Variants in PDS5A observed in about 807,000 individuals in gnomAD.
PDS5A encodes sister chromatid cohesion protein PDS5 homolog A.
In PDS5A, 42 loss-of-function variants were observed where a neutral mutation model predicts 167.1. The observed-to-expected ratio is 0.25, with a 90% CI of 0.20 to 0.33. The LOEUF (loss-of-function observed/expected upper bound fraction) is 0.33, where lower values mean the gene tolerates loss of function less well. Ranked by LOEUF, PDS5A falls within the 10% of genes least tolerant of loss-of-function variation. The pLI is 1.00. For synonymous variants in PDS5A, 553 were observed against 554.6 expected, an observed-to-expected ratio of 1.00 and a Z score of 0.04; for missense variants, 1,033 against 1,605.9, an observed-to-expected ratio of 0.64 and a Z score of 6.10.
intron 10 of PDS5A, among the ~76,000 whole-genome samples, chr4:39,909,132 T>C (rs1038150770): frequency 2.0e-5 from 3 of 148,214 alleles, no homozygotes; most frequent in African/African-American, 7.3e-5. Context: ...TTTTTATTTT[T>C]TGTTGTTGAA....
At chr4:39,952,840 T>C (rs1430995751) in intron 2 of PDS5A, among the ~76,000 whole-genome samples, 1 of 151,336 alleles carries the variant, frequency 6.6e-6, no homozygotes, top group Non-Finnish European at 1.5e-5. Flanking sequence ...ATGACTCTCC[T>C]GCCTCAGCCT....
At chr4:39,877,187 C>CA (rs780424582) in intron 18 of PDS5A, 34 bp from the exon 19 acceptor site, 2 of 1,370,842 alleles carry the variant, frequency 1.5e-6, no homozygotes, top group Non-Finnish European at 2.0e-6. Context: ...GAAGTACAGA[C>CA]AATGGTTTTA....
At chr4:39,919,986 C>T (rs554401430) in intron 7 of PDS5A, among the ~76,000 whole-genome samples, 3 of 147,134 alleles carry the variant, frequency 2.0e-5, no homozygotes, top group Admixed American at 6.7e-5. Context: ...AGAAGAATGA[C>T]CCAAAAGAAA....
chr4:39,957,908 C>A (rs1729112151), intron 2 of PDS5A, among the ~76,000 whole-genome samples: 1 of 151,994 alleles, frequency 6.6e-6, no homozygotes, highest in African/African-American at 2.4e-5. Context: ...GTAATCCCAG[C>A]ACTTTGGGAG....
intron 2 of PDS5A, among the ~76,000 whole-genome samples, chr4:39,929,553 A>G (rs1026895373): frequency 8.0e-6 from 1 of 125,448 alleles, no homozygotes; most frequent in African/African-American, 3.1e-5. Context: ...ATATATATAT[A>G]TATCCCATTA....
At chr4:39,966,714 C>T (rs1560525451) in intron 2 of PDS5A, among the ~76,000 whole-genome samples, 1 of 152,068 alleles carries the variant, frequency 6.6e-6, no homozygotes, top group Admixed American at 6.6e-5. Context: ...AAACAAATTT[C>T]AGGCCGGGCA....
chr4:39,949,861 G>C (rs1728181436), intron 2 of PDS5A, among the ~76,000 whole-genome samples: 2 of 127,732 alleles, frequency 1.6e-5, no homozygotes, highest in East Asian at 2.4e-4. Flanking sequence ...AAACCTGACT[G>C]TGGCAATCAC....
chr4:39,872,458 A>G (rs980145929), intron 21 of PDS5A, among the ~76,000 whole-genome samples: 14 of 152,072 alleles, frequency 9.2e-5, no homozygotes. Flanking sequence ...TGAGGTCAGG[A>G]GTTCAATATA....
chr4:39,829,950 CAAAAAAAAAAAAAAAAAAAA>C lies in PDS5A; in HGVS notation c.4011-4482_4011-4463del, dbSNP rs1158287221. 1.5e-4 allele frequency among the ~76,000 whole-genome samples: 10 copies of C among 67,304 alleles called. No individual in the cohort carries two copies. The East Asian group carries it at 3.5e-3, about 24-fold the overall frequency. The allele number at this position is 67,304 out of a possible 152,430, so 44.2% of individuals were successfully genotyped here. The stretch of plus-strand genomic sequence containing the variant: ...TGGGCGACAGACTGAGACTCCAACT[CAAAAAAAAAAAAAAAAAAAA>C]AAAAAAAAAAAAAAGAAATTTCCAA... On this transcript the variant is annotated intron_variant, in intron 32 of 32. Transcript: ENST00000303538.
chr4:39,911,642 C>CT (rs760188410), intron 9 of PDS5A, among the ~76,000 whole-genome samples: 1 of 151,840 alleles, frequency 6.6e-6, no homozygotes, highest in Non-Finnish European at 1.5e-5. Flanking sequence ...ACCATCCTGG[C>CT]TAACACGGTG....
At chr4:39,849,749 T>C (rs1342606810) in intron 26 of PDS5A, 97 bp from the exon 27 acceptor site, 1 of 711,214 alleles carries the variant, frequency 1.4e-6, no homozygotes, top group Non-Finnish European at 2.3e-6. Flanking sequence ...CTGAATAAAA[T>C]AAAATAAAAT....
At chr4:39,904,696 A>C (rs1053830742) in intron 11 of PDS5A, among the ~76,000 whole-genome samples, 1 of 152,126 alleles carries the variant, frequency 6.6e-6, no homozygotes, top group African/African-American at 2.4e-5. Context: ...TAAATGATCT[A>C]CTTTTTTCTT....
At chr4:39,954,876 C>T (rs934752772) in intron 2 of PDS5A, among the ~76,000 whole-genome samples, 20 of 151,680 alleles carry the variant, frequency 1.3e-4, no homozygotes, top group African/African-American at 4.8e-4. Context: ...CCCGTGTCTA[C>T]AAACAATACA....
At chr4:39,926,375 G>A (rs553098197) in intron 4 of PDS5A, among the ~76,000 whole-genome samples, 3 of 152,050 alleles carry the variant, frequency 2.0e-5, no homozygotes, top group East Asian at 1.9e-4. Flanking sequence ...AAAATTAGCC[G>A]TGCGTGGTGG....
At chr4:39,899,813 A>G (rs1028710147) in intron 14 of PDS5A, among the ~76,000 whole-genome samples, 27 of 145,780 alleles carry the variant, frequency 1.9e-4, no homozygotes, top group African/African-American at 3.9e-4. Context: ...TCATGCCACT[A>G]TGCGACAGCC....
chr4:39,888,832 T>C (rs972852266), intron 17 of PDS5A, among the ~76,000 whole-genome samples: 2 of 152,150 alleles, frequency 1.3e-5, no homozygotes, highest in Non-Finnish European at 2.9e-5. Context: ...TTAATAGATA[T>C]AGAACGACTA....
At chr4:39,876,392 C>T (rs1720467146) in intron 19 of PDS5A, among the ~76,000 whole-genome samples, 1 of 152,140 alleles carries the variant, frequency 6.6e-6, no homozygotes, top group African/African-American at 2.4e-5. Flanking sequence ...CTTCAGGAGA[C>T]TGCTTGTTCT....
At chr4:39,932,525 C>A in intron 2 of PDS5A, 1 of 219,188 alleles carries the variant, frequency 4.6e-6, no homozygotes, top group East Asian at 1.2e-4. Flanking sequence ...TGGTATCTTC[C>A]GATGGTCATG....
In PDS5A at chr4:39,859,077, T is replaced by G. The variant is rs1718769901; in HGVS notation, c.3086+3142A>C. 2.0e-5 allele frequency among the ~76,000 whole-genome samples: 3 copies of G among 152,132 alleles called. No homozygotes were observed. In the South Asian group the frequency reaches 6.2e-4, roughly 31 times the overall value. On this transcript the variant is annotated intron_variant, in intron 26 of 32. Coordinates refer to ENST00000303538, the MANE Select transcript of PDS5A (RefSeq NM_001100399.2). The stretch of plus-strand genomic sequence containing the variant: ...AATACCCAAATATATAAAGAACTCT[T>G]ACAACTCAATAACAAAAAGACAACC...
Sources: allele counts gnomAD v4.1 joint callset (sites outside exome capture counted in the v4.1 genomes callset), GRCh38; gene constraint gnomAD v4.1.1; transcripts MANE v1.5; gene names NCBI Gene and HGNC (gene_info 2026-07-23, HGNC 2026-07-21).